The following WLS variants were observed in gnomAD, a reference collection of about 807,000 sequenced individuals.
WLS encodes the protein protein wntless homolog.
A neutral mutation model predicts 62.8 loss-of-function variants in WLS; 23 were observed. The ratio of observed to expected loss-of-function variants is 0.37; its 90% CI spans 0.26 to 0.52. The LOEUF (loss-of-function observed/expected upper bound fraction) is 0.52, where lower values mean the gene tolerates loss of function less well. WLS is among the 20% of genes least tolerant of loss of function. The pLI, the probability that WLS is intolerant of heterozygous loss-of-function variation, is 0.92. For synonymous variants in WLS, 246 were observed against 244.1 expected (o/e 1.01, Z -0.07); for missense variants, 615 against 697.3 (o/e 0.88, Z 1.33).
rs750375780 is a variant in WLS at position 68,153,595 on chromosome 1, G to A, written c.725C>T (p.Thr242Met). 14 of 1,614,074 alleles carry A rather than the reference G, an allele frequency of 8.7e-6. No homozygotes were observed. Among genetic ancestry groups the A allele is most frequent in the South Asian group, 6.6e-5 (6 of 91,080 alleles). The change falls in exon 5 of 12, where the codon ACG becomes ATG. Residue 242 changes from threonine (T) to methionine (M), a missense_variant. Thr to Met is a moderately conservative substitution (Grantham distance 81). Coordinates refer to ENST00000262348, the MANE Select transcript of WLS (RefSeq NM_024911.7). ...CACCATAATGATGAAGATGCTGGGC[G>A]TAAGGAAGGTCTTCATGGCAAACCA... ...KVWFAMKTFLTPSIFIIMVWY... is the reference protein window; with the variant it reads ...KVWFAMKTFLMPSIFIIMVWY...
rs74081395 is a variant in WLS, at chr1:68,151,781, T to A, written c.804-1425A>T. 2.7e-3 allele frequency among the ~76,000 whole-genome samples: 416 copies of A among 152,096 alleles called. 2 individuals carry two copies. The highest frequency in any genetic ancestry group is 9.5e-3 in the African/African-American group (393 of 41,488). Reference sequence around the variant, plus strand: ...AAGATCAGAGGTGGAAGGCACCCAATCATCAAGGGGCTTATAGGTCAGGGC... The same window carrying A: ...AAGATCAGAGGTGGAAGGCACCCAAACATCAAGGGGCTTATAGGTCAGGGC... On this transcript the variant is annotated intron_variant, in intron 5 of 11. Transcript: ENST00000262348.
intron 2 of WLS, among the ~76,000 whole-genome samples, chr1:68,180,003 A>G (rs1161894486): frequency 6.7e-6 from 1 of 149,054 alleles, no homozygotes; most frequent in Non-Finnish European, 1.5e-5. Flanking sequence ...CATTCAGTAG[A>G]GGTGGTGGAA....
At chr1:68,217,049 A>G (rs1649759405) in intron 1 of WLS, among the ~76,000 whole-genome samples, 1 of 152,208 alleles carries the variant, frequency 6.6e-6, no homozygotes, top group African/African-American at 2.4e-5. Flanking sequence ...AGTACACTGA[A>G]GTTCTTAAAT....
intron 11 of WLS, chr1:68,117,646 G>A (rs905798571): frequency 6.6e-6 from 1 of 152,290 alleles, no homozygotes; most frequent in African/African-American, 2.4e-5. Flanking sequence ...TGCAGCTCTC[G>A]TGTTTCCTCT....
intron 2 of WLS, among the ~76,000 whole-genome samples, chr1:68,185,549 A>T (rs916237494): frequency 6.6e-6 from 1 of 152,146 alleles, no homozygotes; most frequent in African/African-American, 2.4e-5. Flanking sequence ...ATATTCTCAT[A>T]GGAGTGGGAA....
chr1:68,121,329 TGA>T (rs1339180373), downstream of WLS: 1 of 152,118 alleles, frequency 6.6e-6, no homozygotes, highest in East Asian at 1.9e-4. Flanking sequence ...AGGGAAGACT[TGA>T]GTGGGGCAGG....
intron 9 of WLS, 114 bp from the exon 10 acceptor site, chr1:68,144,766 A>G: frequency 1.3e-6 from 1 of 797,368 alleles, no homozygotes; most frequent in South Asian, 1.8e-5. Context: ...AATCCCTAAG[A>G]ATGACAGTAA....
At position 68,181,850 on chromosome 1, in the gene WLS, T is replaced by A. The variant is rs184604291; in HGVS notation, c.379+12105A>T. Among the ~76,000 whole-genome samples the A allele has an allele frequency of 4.2e-3, 635 of 152,318 alleles. 3 individuals carry two copies. Among genetic ancestry groups the A allele is most frequent in the African/African-American group, 0.014 (586 of 41,578 alleles). On this transcript the variant is annotated intron_variant, in intron 2 of 11. Coordinates refer to ENST00000262348, the MANE Select transcript of WLS (RefSeq NM_024911.7). ...AACACTCTTACTTCAAAAATGCATA[T>A]AAGCAAATACCACTGAAATTTTATG...
chr1:68,209,033 G>A (rs1649399315), intron 1 of WLS, among the ~76,000 whole-genome samples: 1 of 152,120 alleles, frequency 6.6e-6, no homozygotes, highest in South Asian at 2.1e-4. Flanking sequence ...ATTTTGGGTT[G>A]AATAACTGTT....
At chr1:68,222,065 C>T (rs372102812) in intron 1 of WLS, among the ~76,000 whole-genome samples, 9 of 152,252 alleles carry the variant, frequency 5.9e-5, no homozygotes, top group East Asian at 5.8e-4. Flanking sequence ...ACTAGAACTT[C>T]GGAATTATGC....
chr1:68,185,974 C>T (rs1282749073), intron 2 of WLS, among the ~76,000 whole-genome samples: 1 of 152,220 alleles, frequency 6.6e-6, no homozygotes, highest in Non-Finnish European at 1.5e-5. Context: ...TCTAATCATG[C>T]CTTGGTCTTT....
downstream of WLS, among the ~76,000 whole-genome samples, chr1:68,122,976 A>G (rs1646382586): frequency 6.6e-6 from 1 of 152,220 alleles, no homozygotes; most frequent in Non-Finnish European, 1.5e-5. Flanking sequence ...TAACTCATCA[A>G]CTTGTACTCT....
At chr1:68,123,922 G>A (rs1237744740), downstream of WLS, among the ~76,000 whole-genome samples, 1 of 152,086 alleles carries the variant, frequency 6.6e-6, no homozygotes, top group Non-Finnish European at 1.5e-5. Context: ...TCTCATATAT[G>A]CTAGGAAAGT....
At chr1:68,202,570 A>G (rs1649079186) in intron 1 of WLS, 2 of 152,238 alleles carry the variant, frequency 1.3e-5, no homozygotes, top group African/African-American at 4.8e-5. Context: ...AAGTGAACAC[A>G]AAAGACCTCC....
At chr1:68,098,531 TA>T in exon 12 of WLS, 2 of 1,484,998 alleles carry the variant, frequency 1.3e-6, no homozygotes, top group Non-Finnish European at 1.8e-6. Context: ...CATTTTGAGA[TA>T]AAGGCTAAAT....
chr1:68,176,265 T>A (rs1233109820), intron 2 of WLS: 1 of 139,310 alleles, frequency 7.2e-6, no homozygotes, highest in Non-Finnish European at 1.6e-5. Flanking sequence ...CAGCTGGTGG[T>A]GGCAGCAATG....
chr1:68,226,971 A>C (rs1249838062), intron 1 of WLS, among the ~76,000 whole-genome samples: 1 of 152,222 alleles, frequency 6.6e-6, no homozygotes, highest in African/African-American at 2.4e-5. Flanking sequence ...TCTGGGTTTC[A>C]GGCAGGGAAC....
At chr1:68,214,199 A>ACACACACG (rs1553137304) in intron 1 of WLS, among the ~76,000 whole-genome samples, 1 of 151,832 alleles carries the variant, frequency 6.6e-6, no homozygotes, top group Non-Finnish European at 1.5e-5. Context: ...ACACACACAC[A>ACACACACG]CACACACACA....
intron 1 of WLS, among the ~76,000 whole-genome samples, chr1:68,213,680 C>T (rs1235747760): frequency 1.3e-5 from 2 of 151,910 alleles, no homozygotes; most frequent in Non-Finnish European, 2.9e-5. Context: ...ATACCAAACC[C>T]CCATGTATCA....
Sources: allele counts gnomAD v4.1 joint callset (sites outside exome capture counted in the v4.1 genomes callset), GRCh38; gene constraint gnomAD v4.1.1; transcripts MANE v1.5; gene names NCBI Gene and HGNC (gene_info 2026-07-23, HGNC 2026-07-21).